The following KLKB1 variants were observed in gnomAD, a reference collection of about 807,000 sequenced individuals.
KLKB1 encodes the protein kallikrein B1.
Under a neutral mutation model 73.6 loss-of-function variants are expected in KLKB1, and 58 were observed. The observed-to-expected ratio is 0.79, with a 90% CI of 0.64 to 0.98. The LOEUF (loss-of-function observed/expected upper bound fraction) is 0.98. KLKB1 is among the 50% of genes least tolerant of loss of function. The pLI, the probability that KLKB1 is intolerant of heterozygous loss-of-function variation, is 0.00. For synonymous variants in KLKB1, 280 were observed against 258.1 expected, an observed-to-expected ratio of 1.08 and a Z score of -0.81; for missense variants, 737 against 763.8, an observed-to-expected ratio of 0.96 and a Z score of 0.41.
intron 6 of KLKB1, among the ~76,000 whole-genome samples, chr4:186,240,201 T>TGTTAAAGGTACA (rs1737948844): frequency 6.6e-6 from 1 of 151,854 alleles, no homozygotes. Flanking sequence ...ACAGTGATAT[T>TGTTAAAGGTACA]GTTATAGTTA....
At chr4:186,214,273 A>G (rs1579981606) in intron 2 of KLKB1, among the ~76,000 whole-genome samples, 2 of 152,214 alleles carry the variant, frequency 1.3e-5, no homozygotes, top group African/African-American at 4.8e-5. Flanking sequence ...GGCTCACTGC[A>G]TGTCTGCCCT....
At chr4:186,215,595 AT>A (rs1030252599) in intron 2 of KLKB1, among the ~76,000 whole-genome samples, 8 of 151,580 alleles carry the variant, frequency 5.3e-5, no homozygotes, top group African/African-American at 1.7e-4. Flanking sequence ...CTATCTATCT[AT>A]TTTTTGAGAC....
intron 4 of KLKB1, among the ~76,000 whole-genome samples, chr4:186,234,295 G>T (rs1213378586): frequency 6.6e-6 from 1 of 152,168 alleles, no homozygotes; most frequent in African/African-American, 2.4e-5. Context: ...GCGCTCAAGT[G>T]TAAGATTTGC....
At chr4:186,254,818 A>G (rs1738898227) in intron 12 of KLKB1, 55 bp downstream of exon 12, 7 of 1,484,028 alleles carry the variant, frequency 4.7e-6, no homozygotes, top group African/African-American at 1.4e-5. Context: ...TGATATTTTC[A>G]TATCAGTTTG....
At chr4:186,238,712 G>GAGGAA (rs1309209452) in intron 6 of KLKB1, among the ~76,000 whole-genome samples, 2 of 152,200 alleles carry the variant, frequency 1.3e-5, no homozygotes, top group African/African-American at 4.8e-5. Flanking sequence ...TGAAAAGGGC[G>GAGGAA]AGGAAAGAGT....
At chr4:186,231,468 G>A (rs1737396833) in intron 2 of KLKB1, among the ~76,000 whole-genome samples, 5 of 152,206 alleles carry the variant, frequency 3.3e-5, no homozygotes, top group Admixed American at 3.3e-4. Context: ...GCATATGCAT[G>A]CATTTGCTTA....
In KLKB1 at chr4:186,236,890, C is replaced by T. The variant is rs746211213; in HGVS notation, c.438C>T (p.Arg146=). ...ECQKRCTSNI[R]CQFFSYATQT... is the part of the protein sequence containing the mutation. ...AAAAAAGGTGCACCAGTAACATTCGCTGCCAGTTTTTTTCATATGCCACGC... is the reference window on the plus strand; with the variant it reads ...AAAAAAGGTGCACCAGTAACATTCGTTGCCAGTTTTTTTCATATGCCACGC... Residue 146 remains arginine (R), a synonymous_variant, in exon 5 of 15, where the codon CGC becomes CGT. Coordinates refer to ENST00000264690, the MANE Select transcript of KLKB1 (RefSeq NM_000892.5). The T allele has an allele frequency of 3.1e-6, 5 of 1,613,940 alleles. No homozygotes were observed. The highest frequency in any genetic ancestry group is 3.4e-6 in the Non-Finnish European group (4 of 1,179,998).
chr4:186,224,021 G>C (rs1436957106), upstream of KLKB1, among the ~76,000 whole-genome samples: 3 of 152,250 alleles, frequency 2.0e-5, no homozygotes, highest in Non-Finnish European at 4.4e-5. Context: ...TGACTAAAAG[G>C]GTCCATAGCT....
chr4:186,213,227 A>G (rs1268419953), intron 2 of KLKB1: 1 of 152,248 alleles, frequency 6.6e-6, no homozygotes, highest in Non-Finnish European at 1.5e-5. Context: ...CATATGCTAC[A>G]GTATTGAAAT....
At chr4:186,230,830 A>G (rs1228022153) in intron 2 of KLKB1, among the ~76,000 whole-genome samples, 1 of 152,092 alleles carries the variant, frequency 6.6e-6, no homozygotes, top group Non-Finnish European at 1.5e-5. Flanking sequence ...AGTCAAAACC[A>G]CCAACTGTCT....
intron 11 of KLKB1, among the ~76,000 whole-genome samples, chr4:186,253,772 T>C (rs910076914): frequency 2.6e-5 from 4 of 152,028 alleles, no homozygotes; most frequent in Non-Finnish European, 4.4e-5. Context: ...ATTCATCTTT[T>C]AAATAATCTA....
intron 6 of KLKB1, among the ~76,000 whole-genome samples, chr4:186,242,562 G>A (rs1283105645): frequency 6.6e-6 from 1 of 152,154 alleles, no homozygotes; most frequent in African/African-American, 2.4e-5. Context: ...TAGAATGATT[G>A]GTGATGGCCT....
At chr4:186,214,036 T>A (rs72647309) in intron 2 of KLKB1, among the ~76,000 whole-genome samples, 4,330 of 152,284 alleles carry the variant, frequency 0.028, 182 homozygotes, top group African/African-American at 0.098. Flanking sequence ...CAACCTTTGT[T>A]GAGTGACCCA....
chr4:186,242,461 G>A (rs552049753), intron 6 of KLKB1, among the ~76,000 whole-genome samples: 1 of 152,244 alleles, frequency 6.6e-6, no homozygotes, highest in Non-Finnish European at 1.5e-5. Flanking sequence ...TAGGGGCGGC[G>A]TGGGAACCTA....
chr4:186,245,822 TGG>T (rs148549735), intron 6 of KLKB1, among the ~76,000 whole-genome samples: 28,375 of 96,282 alleles, frequency 0.29, 7,226 homozygotes, highest in Non-Finnish European at 0.42. Context: ...GTTTGTTTTT[TGG>T]TTTTTTTTTT....
At chr4:186,229,152 T>G (rs1273114168) in intron 2 of KLKB1, among the ~76,000 whole-genome samples, 1 of 152,176 alleles carries the variant, frequency 6.6e-6, no homozygotes, top group African/African-American at 2.4e-5. Flanking sequence ...AGAAGGAGCA[T>G]AAGCCAGAGA....
At position 186,231,153 on chromosome 4, in the gene KLKB1, T is replaced by C. The variant is rs376885789; in HGVS notation, c.59-974T>C. On this transcript the variant is annotated intron_variant, in intron 2 of 14. Transcript: ENST00000264690. ...AATGCACGTGGTCTAAGCTGCCCACTCCCTCAAAGGCAATAAAAAATAGGT... is the reference window on the plus strand; with the variant it reads ...AATGCACGTGGTCTAAGCTGCCCACCCCCTCAAAGGCAATAAAAAATAGGT... 1.1e-3 allele frequency among the ~76,000 whole-genome samples: 174 copies of C among 152,164 alleles called. 4 individuals are homozygous for C. The South Asian group carries it at 0.035, about 31-fold the overall frequency.
chr4:186,218,738 A>G (rs1736966189), intron 2 of KLKB1, among the ~76,000 whole-genome samples: 2 of 152,070 alleles, frequency 1.3e-5, no homozygotes, highest in African/African-American at 4.8e-5. Flanking sequence ...TATAGTCACC[A>G]TGTTTGCATT....
At position 186,239,725 on chromosome 4, in the gene KLKB1, T is replaced by C. The variant is rs866920340; in HGVS notation, c.598+1360T>C. 1.5e-4 allele frequency among the ~76,000 whole-genome samples: 11 copies of C among 72,896 alleles called. 1 individual carries two copies. Among genetic ancestry groups the C allele is most frequent in the African/African-American group, 2.2e-4 (3 of 13,682 alleles). 47.8% of individuals were successfully genotyped at this position (72,896 alleles called of 152,430 possible). A position where few individuals can be genotyped will look rare whatever the true frequency, so the allele number is the denominator to read the frequency against. On this transcript the variant is annotated intron_variant, in intron 6 of 14. Coordinates refer to ENST00000264690, the MANE Select transcript of KLKB1 (RefSeq NM_000892.5). ...CTGTTATAGTTATAGGACAGTGATA[T>C]TGTTATAGTTATAGGAAACTAGTAC...
Sources: gnomAD v4.1 joint callset for allele counts (sites outside exome capture counted in the v4.1 genomes callset) on GRCh38, gnomAD v4.1.1 for gene constraint, MANE v1.5 for transcripts, NCBI Gene and HGNC (gene_info 2026-07-23, HGNC 2026-07-21) for gene names.